The following HS3ST4 variants were observed in gnomAD, a reference collection of about 807,000 sequenced individuals.
HS3ST4 encodes heparan sulfate glucosamine 3-O-sulfotransferase 4.
HS3ST4 carries 17 observed loss-of-function variants against 29.2 expected under a neutral mutation model. The observed-to-expected ratio is 0.58, with a 90% confidence interval of 0.40 to 0.87. HS3ST4 has a LOEUF of 0.87. HS3ST4 is among the 40% of genes least tolerant of loss of function. The pLI is 0.00. For synonymous variants in HS3ST4, 314 were observed against 285.7 expected (o/e 1.10, Z -1.00); for missense variants, 627 against 634.5 (o/e 0.99, Z 0.13).
chr16:25,780,830 C>A (rs2141615195), intron 1 of HS3ST4, among the ~76,000 whole-genome samples: 1 of 152,250 alleles, frequency 6.6e-6, no homozygotes, highest in East Asian at 1.9e-4. Context: ...TGTGTGATGT[C>A]ATCCTAAACT....
At chr16:26,099,821 G>T (rs992658934) in intron 1 of HS3ST4, among the ~76,000 whole-genome samples, 3 of 151,976 alleles carry the variant, frequency 2.0e-5, no homozygotes, top group Admixed American at 1.3e-4. Flanking sequence ...ACGCACACAC[G>T]CATGCCCACA....
chr16:25,704,339 T>G (rs1394015291), intron 1 of HS3ST4, among the ~76,000 whole-genome samples: 3 of 152,212 alleles, frequency 2.0e-5, no homozygotes, highest in African/African-American at 7.2e-5. Context: ...CAACATTATT[T>G]CATTTATTCC....
chr16:25,816,560 C>T (rs916691884), intron 1 of HS3ST4, among the ~76,000 whole-genome samples: 7 of 152,156 alleles, frequency 4.6e-5, no homozygotes, highest in Admixed American at 3.3e-4. Context: ...ATTTATGATT[C>T]CAAGAGGCTA....
At chr16:26,031,365 C>G (rs1458270136) in intron 1 of HS3ST4, among the ~76,000 whole-genome samples, 1 of 152,160 alleles carries the variant, frequency 6.6e-6, no homozygotes, top group Admixed American at 6.5e-5. Flanking sequence ...CTCCTGTGGG[C>G]CGGGACGAGG....
chr16:26,037,831 A>T (rs1262938752), intron 1 of HS3ST4, among the ~76,000 whole-genome samples: 1 of 152,170 alleles, frequency 6.6e-6, no homozygotes, highest in Non-Finnish European at 1.5e-5. Flanking sequence ...CATGATGCTG[A>T]CATGCTGTTT....
intron 1 of HS3ST4, among the ~76,000 whole-genome samples, chr16:25,937,873 T>C (rs1156233855): frequency 6.6e-6 from 1 of 152,174 alleles, no homozygotes; most frequent in Non-Finnish European, 1.5e-5. Context: ...GATTCAGCAA[T>C]TAGCCCAAAG....
chr16:25,907,036 A>G (rs1488618135), intron 1 of HS3ST4, among the ~76,000 whole-genome samples: 1 of 152,058 alleles, frequency 6.6e-6, no homozygotes, highest in East Asian at 1.9e-4. Context: ...CTCTATAAAA[A>G]TGTTTTAAAA....
intron 1 of HS3ST4, among the ~76,000 whole-genome samples, chr16:25,912,506 T>A (rs1596611735): frequency 7.1e-6 from 1 of 140,828 alleles, no homozygotes; most frequent in Non-Finnish European, 1.5e-5. Context: ...CACACCTGCC[T>A]GCTGACTCAG....
rs1216690097 is a variant in HS3ST4, at chr16:25,761,062, C to A, written c.734+67911C>A. Among the ~76,000 whole-genome samples the A allele has an allele frequency of 5.1e-4, 78 of 152,130 alleles. 2 individuals carry two copies. The highest frequency in any genetic ancestry group is 5.9e-5 in the Non-Finnish European group (4 of 68,028). On this transcript the variant is annotated intron_variant, in intron 1 of 1. Transcript: ENST00000331351. ...GGGTGAATGCATGCATGGAGACCGA[C>A]CTCCCCATCAGACCCCAGAGCCAAA...
intron 1 of HS3ST4, among the ~76,000 whole-genome samples, chr16:26,077,406 A>G (rs1898675394): frequency 6.6e-6 from 1 of 152,228 alleles, no homozygotes; most frequent in Non-Finnish European, 1.5e-5. Flanking sequence ...GTATCTGGAT[A>G]TCAGCATGGC....
At chr16:25,871,822 G>T (rs1384561736) in intron 1 of HS3ST4, among the ~76,000 whole-genome samples, 1 of 152,066 alleles carries the variant, frequency 6.6e-6, no homozygotes, top group Non-Finnish European at 1.5e-5. Flanking sequence ...CCTGGATCAG[G>T]CTAGACAATT....
chr16:25,820,066 G>C (rs1369092955), intron 1 of HS3ST4, among the ~76,000 whole-genome samples: 1 of 129,580 alleles, frequency 7.7e-6, no homozygotes, highest in Admixed American at 7.7e-5. Flanking sequence ...GAAAAAAAGA[G>C]GAAAGGATTT....
At chr16:25,996,634 C>T (rs1033475096) in intron 1 of HS3ST4, among the ~76,000 whole-genome samples, 1 of 152,114 alleles carries the variant, frequency 6.6e-6, no homozygotes, top group Non-Finnish European at 1.5e-5. Flanking sequence ...TATTTATTCA[C>T]TTGTATCGAT....
chr16:26,117,314 T>C (rs925735797), intron 1 of HS3ST4, among the ~76,000 whole-genome samples: 1 of 152,162 alleles, frequency 6.6e-6, no homozygotes, highest in African/African-American at 2.4e-5. Flanking sequence ...CCCTGGAGAA[T>C]AGAATTTCCA....
chr16:25,880,692 C>G (rs1967885582), intron 1 of HS3ST4, among the ~76,000 whole-genome samples: 1 of 152,128 alleles, frequency 6.6e-6, no homozygotes, highest in Non-Finnish European at 1.5e-5. Context: ...TGTGCATACC[C>G]CAGTAATTGC....
chr16:25,774,088 T>G (rs920276350), intron 1 of HS3ST4, among the ~76,000 whole-genome samples: 4 of 152,228 alleles, frequency 2.6e-5, no homozygotes, highest in Admixed American at 1.3e-4. Context: ...AAAGTTTTGT[T>G]GCTAAGAACT....
chr16:26,051,912 C>CCTTCCTTCCTTCCTTCCTT (rs1567302217), intron 1 of HS3ST4, among the ~76,000 whole-genome samples: 51 of 108,144 alleles, frequency 4.7e-4, no homozygotes, highest in African/African-American at 2.5e-3. Context: ...CTCCCTCCCT[C>CCTTCCTTCCTTCCTTCCTT]CCTTCCTTCC....
At position 25,907,516 on chromosome 16, in the gene HS3ST4, A is replaced by G. The variant is rs116078608; in HGVS notation, c.734+214365A>G. The stretch of plus-strand genomic sequence containing the variant: ...AAAGATATAATCAAATGCAGGGAGT[A>G]AAGAAAGCTGAAGCTTCATCGATGA... On this transcript the variant is annotated intron_variant, in intron 1 of 1. Coordinates refer to ENST00000331351, the MANE Select transcript of HS3ST4 (RefSeq NM_006040.3). 1.0e-3 allele frequency among the ~76,000 whole-genome samples: 158 copies of G among 152,326 alleles called. 1 individual carries two copies. The highest frequency in any genetic ancestry group is 3.7e-3 in the African/African-American group (152 of 41,578).
intron 1 of HS3ST4, among the ~76,000 whole-genome samples, chr16:25,787,288 T>C (rs1384610810): frequency 6.6e-6 from 1 of 152,240 alleles, no homozygotes; most frequent in Non-Finnish European, 1.5e-5. Flanking sequence ...ATTGCCCATA[T>C]GTTAGGTGGG....
Sources: allele counts gnomAD v4.1 joint callset (sites outside exome capture counted in the v4.1 genomes callset), GRCh38; gene constraint gnomAD v4.1.1; transcripts MANE v1.5; gene names NCBI Gene and HGNC (gene_info 2026-07-23, HGNC 2026-07-21).